The following ACOXL variants were observed in gnomAD, a reference collection of about 807,000 sequenced individuals.
The protein encoded by ACOXL is acyl-CoA oxidase like, also known as acyl-coenzyme A oxidase-like protein.
ACOXL carries 70 observed loss-of-function variants against 71.9 expected under a neutral mutation model. That is an observed-to-expected ratio of 0.97 (90% CI 0.80 to 1.19). The LOEUF is 1.19. Among genes scored for constraint, ACOXL ranks in the 50% most tolerant of loss-of-function variants. The pLI, the probability that ACOXL is intolerant of heterozygous loss-of-function variation, is 0.00. For missense variants in ACOXL, 703 were observed against 736.3 expected (o/e 0.95, Z 0.52); for synonymous variants, 253 against 281.6 (o/e 0.90, Z 1.02).
intron 12 of ACOXL, among the ~76,000 whole-genome samples, chr2:110,971,366 G>A (rs2062177801): frequency 6.6e-6 from 1 of 152,204 alleles, no homozygotes; most frequent in South Asian, 2.1e-4. Flanking sequence ...TCCTGGTTGG[G>A]ATGCCAGTAA....
chr2:110,899,912 G>A (rs1014140973), intron 10 of ACOXL, among the ~76,000 whole-genome samples: 6 of 152,074 alleles, frequency 3.9e-5, no homozygotes, highest in South Asian at 2.1e-4. Flanking sequence ...GAAAGAACTC[G>A]CGGCTTCTAT....
At chr2:110,953,313 A>G (rs927156847) in intron 12 of ACOXL, among the ~76,000 whole-genome samples, 2 of 149,846 alleles carry the variant, frequency 1.3e-5, no homozygotes, top group Non-Finnish European at 3.0e-5. Context: ...TGTTATTATC[A>G]TTATAATTAC....
At chr2:111,063,410 A>C (rs1024262454) in intron 16 of ACOXL, among the ~76,000 whole-genome samples, 2 of 152,216 alleles carry the variant, frequency 1.3e-5, no homozygotes, top group African/African-American at 2.4e-5. Context: ...GCAATATATG[A>C]GAAGAATTAT....
At chr2:110,953,331 C>CATAT (rs34907551) in intron 12 of ACOXL, among the ~76,000 whole-genome samples, 5 of 148,972 alleles carry the variant, frequency 3.4e-5, no homozygotes, top group African/African-American at 1.2e-4. Context: ...TACTTTTATA[C>CATAT]ATATATATAT....
intron 14 of ACOXL, among the ~76,000 whole-genome samples, chr2:111,003,011 T>A (rs754662908): frequency 3.3e-5 from 5 of 152,248 alleles, no homozygotes; most frequent in African/African-American, 4.8e-5. Context: ...ATAGGTCCAT[T>A]GTAAAATATC....
At chr2:110,820,156 C>T (rs1688430157) in intron 9 of ACOXL, among the ~76,000 whole-genome samples, 2 of 152,120 alleles carry the variant, frequency 1.3e-5, no homozygotes. Flanking sequence ...GGGACCATAG[C>T]CTGTGCCTGG....
chr2:110,839,341 C>A (rs1263075640), intron 9 of ACOXL, among the ~76,000 whole-genome samples: 1 of 152,238 alleles, frequency 6.6e-6, no homozygotes, highest in Non-Finnish European at 1.5e-5. Context: ...CATGTGAAAT[C>A]TGTAAATTGC....
At chr2:110,826,988 C>T (rs1689241442) in intron 9 of ACOXL, among the ~76,000 whole-genome samples, 1 of 152,152 alleles carries the variant, frequency 6.6e-6, no homozygotes, top group African/African-American at 2.4e-5. Flanking sequence ...AGAACATGGG[C>T]TTTGGCGATG....
intron 10 of ACOXL, among the ~76,000 whole-genome samples, chr2:110,886,211 C>T (rs1558675022): frequency 6.6e-6 from 1 of 152,048 alleles, no homozygotes; most frequent in African/African-American, 2.4e-5. Flanking sequence ...TAGGGTGTCT[C>T]TTCTTTTCAT....
At chr2:110,955,571 C>G (rs2061468318) in intron 12 of ACOXL, among the ~76,000 whole-genome samples, 1 of 152,104 alleles carries the variant, frequency 6.6e-6, no homozygotes, top group South Asian at 2.1e-4. Context: ...TGCACCTAAA[C>G]TAACATAAAA....
At chr2:110,941,718 A>C (rs2060876424) in intron 12 of ACOXL, among the ~76,000 whole-genome samples, 1 of 152,188 alleles carries the variant, frequency 6.6e-6, no homozygotes, top group African/African-American at 2.4e-5. Context: ...ATATCCAACA[A>C]AATTATGTTT....
intron 12 of ACOXL, among the ~76,000 whole-genome samples, chr2:110,955,392 G>A (rs1248795612): frequency 6.7e-6 from 1 of 149,936 alleles, no homozygotes; most frequent in Non-Finnish European, 1.5e-5. Flanking sequence ...GCCCTTCACT[G>A]TCTGCCTCCA....
intron 9 of ACOXL, among the ~76,000 whole-genome samples, chr2:110,818,271 A>G (rs887664633): frequency 6.6e-6 from 1 of 151,246 alleles, no homozygotes; most frequent in Admixed American, 6.6e-5. Context: ...GCATGCGCCT[A>G]TATTCCCAGC....
At chr2:110,939,123 G>A (rs543544620) in intron 12 of ACOXL, among the ~76,000 whole-genome samples, 23 of 152,250 alleles carry the variant, frequency 1.5e-4, no homozygotes, top group African/African-American at 5.5e-4. Context: ...TCTAAACATA[G>A]GGCCCTGTGA....
chr2:110,959,300 T>C (rs745949481), intron 12 of ACOXL, among the ~76,000 whole-genome samples: 3 of 152,160 alleles, frequency 2.0e-5, no homozygotes, highest in African/African-American at 7.2e-5. Context: ...CCAGCTCCCC[T>C]GGGGCCTCGG....
chr2:110,866,642 G>T (rs577752196), intron 10 of ACOXL, among the ~76,000 whole-genome samples: 1 of 152,188 alleles, frequency 6.6e-6, no homozygotes, highest in African/African-American at 2.4e-5. Flanking sequence ...TCGTGGCTTT[G>T]CTTTGGGTGA....
intron 11 of ACOXL, among the ~76,000 whole-genome samples, chr2:110,909,409 C>G (rs1424431730): frequency 6.6e-6 from 1 of 152,110 alleles, no homozygotes; most frequent in Non-Finnish European, 1.5e-5. Flanking sequence ...ATTTCTGCCT[C>G]TCAGCTATTC....
In ACOXL at chr2:110,768,295, G is replaced by A. The variant is rs540281626; in HGVS notation, c.-22-73G>A. 90 of 1,225,242 alleles carry A rather than the reference G, an allele frequency of 7.3e-5. No individual in the cohort carries two copies. The East Asian group carries it at 1.7e-3, about 24-fold the overall frequency. The allele number at this position is 1,225,242 out of a possible 1,614,324, so 75.9% of individuals were successfully genotyped here. A position where few individuals can be genotyped will look rare whatever the true frequency, so the allele number is the denominator to read the frequency against. On this transcript the variant is annotated intron_variant, in intron 1 of 17. Coordinates refer to ENST00000439055, the MANE Select transcript of ACOXL (RefSeq NM_001142807.4). ...GGACACAGCTTTTCTGTCTGAGCCC[G>A]GGGTCAAAGCATCCACAGCCTCCCC...
chr2:110,942,538 C>T (rs1337680690), intron 12 of ACOXL, among the ~76,000 whole-genome samples: 1 of 152,072 alleles, frequency 6.6e-6, no homozygotes, highest in Non-Finnish European at 1.5e-5. Flanking sequence ...CGGTTAGGCA[C>T]CAAATCATAA....
Sources: allele counts gnomAD v4.1 joint callset (sites outside exome capture counted in the v4.1 genomes callset), GRCh38; gene constraint gnomAD v4.1.1; transcripts MANE v1.5; gene names NCBI Gene and HGNC (gene_info 2026-07-23, HGNC 2026-07-21).